Variants in RIT2 observed in about 807,000 individuals in gnomAD.
RIT2 encodes the protein Ras like without CAAX 2.
In RIT2, 24 loss-of-function variants were observed where a neutral mutation model predicts 23.7. That is an observed-to-expected ratio of 1.01 (90% confidence interval 0.73 to 1.43). The LOEUF is 1.43. Ranked by LOEUF, RIT2 falls within the 40% of genes most tolerant of loss-of-function variation. The pLI, the probability that RIT2 is intolerant of heterozygous loss-of-function variation, is 0.00. For missense variants in RIT2, 236 were observed against 266.9 expected (o/e 0.88, Z 0.81); for synonymous variants, 107 against 91.1 (o/e 1.17, Z -0.99).
At chr18:42,944,001 G>A (rs1163385225) in intron 3 of RIT2, among the ~76,000 whole-genome samples, 1 of 152,056 alleles carries the variant, frequency 6.6e-6, no homozygotes, top group African/African-American at 2.4e-5. Context: ...TAGACTCCTA[G>A]CTGCTTTTCC....
intron 4 of RIT2, among the ~76,000 whole-genome samples, chr18:42,783,056 C>T (rs912493551): frequency 3.3e-5 from 5 of 152,144 alleles, no homozygotes; most frequent in African/African-American, 4.8e-5. Context: ...ACTACAAAGT[C>T]GATAGATGCT....
chr18:43,067,619 A>T (rs1471934278), intron 1 of RIT2, among the ~76,000 whole-genome samples: 2 of 152,200 alleles, frequency 1.3e-5, no homozygotes, highest in Non-Finnish European at 2.9e-5. Context: ...AATAGAAAGG[A>T]ATATCTGGGT....
At chr18:43,038,491 G>A (rs114937588) in intron 1 of RIT2, among the ~76,000 whole-genome samples, 2,032 of 151,926 alleles carry the variant, frequency 0.013, 32 homozygotes, top group African/African-American at 0.036. Context: ...CTCTCCAAAT[G>A]TTTCAGTTTT....
At chr18:43,065,908 A>G (rs1170644914) in intron 1 of RIT2, among the ~76,000 whole-genome samples, 3 of 152,174 alleles carry the variant, frequency 2.0e-5, no homozygotes, top group African/African-American at 7.2e-5. Context: ...AGAAAAAAAC[A>G]CATGGTGAGG....
chr18:43,006,551 C>T (rs1911232423), intron 2 of RIT2, among the ~76,000 whole-genome samples: 1 of 151,352 alleles, frequency 6.6e-6, no homozygotes, highest in Admixed American at 6.6e-5. Flanking sequence ...AAGAATGAAT[C>T]ATGTCAGAAA....
intron 1 of RIT2, among the ~76,000 whole-genome samples, chr18:43,092,212 A>G (rs1049515767): frequency 2.0e-5 from 3 of 152,116 alleles, no homozygotes; most frequent in African/African-American, 4.8e-5. Flanking sequence ...CCCAGGAAAC[A>G]TGCTTTTAGC....
At chr18:42,964,140 G>A (rs192945463) in intron 3 of RIT2, among the ~76,000 whole-genome samples, 6 of 152,122 alleles carry the variant, frequency 3.9e-5, no homozygotes, top group Admixed American at 1.3e-4. Context: ...GCAGCGAGCC[G>A]AGATTGTGCC....
chr18:42,750,489 C>G (rs1430104785), intron 4 of RIT2, among the ~76,000 whole-genome samples: 1 of 151,698 alleles, frequency 6.6e-6, no homozygotes, highest in African/African-American at 2.4e-5. Context: ...TGCAGCACTC[C>G]CTTTGAATTT....
intron 4 of RIT2, among the ~76,000 whole-genome samples, chr18:42,914,365 A>G (rs540798451): frequency 2.6e-5 from 4 of 152,244 alleles, no homozygotes; most frequent in East Asian, 1.9e-4. Flanking sequence ...AGCTTTCTTC[A>G]TAATAGCACC....
At chr18:43,095,964 A>G (rs777113707) in intron 1 of RIT2, among the ~76,000 whole-genome samples, 3 of 152,016 alleles carry the variant, frequency 2.0e-5, no homozygotes, top group Non-Finnish European at 4.4e-5. Context: ...GTAGTAATTT[A>G]TACACAGTAA....
rs550887135 is a variant in RIT2, at chr18:42,814,340, C to T, written c.427-70620G>A. 1.4e-4 allele frequency among the ~76,000 whole-genome samples: 21 copies of T among 152,250 alleles called. No individual in the cohort carries two copies. The East Asian group carries it at 3.3e-3, about 24-fold the overall frequency. The stretch of plus-strand genomic sequence containing the variant: ...CGTGGGACAAGTTCTCAGCCCTACT[C>T]GCCCACTGCCTGGAAACAGACTCGG... On this transcript the variant is annotated intron_variant, in intron 4 of 4. Transcript: ENST00000326695.
intron 1 of RIT2, among the ~76,000 whole-genome samples, chr18:43,081,900 TCTTC>T (rs932878048): frequency 1.1e-4 from 17 of 152,258 alleles, no homozygotes; most frequent in East Asian, 5.8e-4. Flanking sequence ...TTTCCATCCT[TCTTC>T]CTTCCTTCCT....
intron 4 of RIT2, among the ~76,000 whole-genome samples, chr18:42,775,684 G>C (rs1040009402): frequency 7.1e-6 from 1 of 141,782 alleles, no homozygotes; most frequent in Non-Finnish European, 1.5e-5. Context: ...GCGACAGAGC[G>C]AGACTCCATC....
At chr18:42,801,282 T>C (rs576349608) in intron 4 of RIT2, among the ~76,000 whole-genome samples, 364 of 152,324 alleles carry the variant, frequency 2.4e-3, no homozygotes, top group African/African-American at 8.0e-3. Flanking sequence ...GAGTATAACA[T>C]GGCTGGCTGC....
intron 4 of RIT2, among the ~76,000 whole-genome samples, chr18:42,753,729 A>G (rs889659652): frequency 1.3e-5 from 2 of 152,100 alleles, no homozygotes; most frequent in East Asian, 3.9e-4. Flanking sequence ...TTCTATTTTC[A>G]TTTTGTTTAG....
intron 4 of RIT2, among the ~76,000 whole-genome samples, chr18:42,763,902 G>T (rs1382071584): frequency 1.3e-5 from 2 of 151,902 alleles, no homozygotes. Flanking sequence ...GACCTACATG[G>T]GGTCAGAATC....
intron 1 of RIT2, among the ~76,000 whole-genome samples, chr18:43,040,921 C>A (rs558400560): frequency 1.3e-5 from 2 of 152,116 alleles, no homozygotes; most frequent in African/African-American, 4.8e-5. Flanking sequence ...TCTGAATAAG[C>A]CCCTTTTAAT....
At chr18:42,860,252 C>G (rs1290789945) in intron 4 of RIT2, among the ~76,000 whole-genome samples, 1 of 152,104 alleles carries the variant, frequency 6.6e-6, no homozygotes, top group African/African-American at 2.4e-5. Flanking sequence ...GGCTGCTAGG[C>G]TACAGTTTTT....
chr18:42,936,124 T>A (rs1367582988), intron 3 of RIT2, among the ~76,000 whole-genome samples: 1 of 151,884 alleles, frequency 6.6e-6, no homozygotes, highest in African/African-American at 2.4e-5. Flanking sequence ...GGCCTTAGAG[T>A]CTCTGCCTCC....
Sources: allele counts gnomAD v4.1 joint callset (sites outside exome capture counted in the v4.1 genomes callset), GRCh38; gene constraint gnomAD v4.1.1; transcripts MANE v1.5; gene names NCBI Gene and HGNC (gene_info 2026-07-23, HGNC 2026-07-21).